The following SPATA13 variants were observed in gnomAD, a reference collection of about 807,000 sequenced individuals.
SPATA13 encodes spermatogenesis associated 13, also known as spermatogenesis-associated protein 13.
Under a neutral mutation model 104.0 loss-of-function variants are expected in SPATA13, and 50 were observed. The ratio of observed to expected loss-of-function variants is 0.48; its 90% CI spans 0.38 to 0.61. The LOEUF is 0.61. SPATA13 is among the 20% of genes least tolerant of loss of function. SPATA13 has a pLI of 0.00. For synonymous variants in SPATA13, 606 were observed against 667.5 expected, an observed-to-expected ratio of 0.91 and a Z score of 1.42; for missense variants, 1,524 against 1,690.6, an observed-to-expected ratio of 0.90 and a Z score of 1.73.
intron 3 of SPATA13, among the ~76,000 whole-genome samples, chr13:24,149,377 C>T (rs776032361): frequency 2.6e-5 from 4 of 152,146 alleles, no homozygotes; most frequent in Admixed American, 6.5e-5. Flanking sequence ...GGGTGAAATA[C>T]GCATCTCACT....
intron 1 of SPATA13, among the ~76,000 whole-genome samples, chr13:24,212,222 G>T (rs543157483): frequency 6.6e-6 from 1 of 151,776 alleles, no homozygotes; most frequent in Non-Finnish European, 1.5e-5. Flanking sequence ...GGGCTGTGGG[G>T]AGCTGTGATT....
chr13:24,172,164 T>C (rs1290680917), intron 1 of SPATA13, among the ~76,000 whole-genome samples: 2 of 152,240 alleles, frequency 1.3e-5, no homozygotes, highest in Non-Finnish European at 2.9e-5. Context: ...GCCACTACTT[T>C]ATTCTCTATA....
chr13:24,089,776 A>G (rs1177727652), intron 3 of SPATA13, among the ~76,000 whole-genome samples: 1 of 152,214 alleles, frequency 6.6e-6, no homozygotes, highest in African/African-American at 2.4e-5. Flanking sequence ...TGAGGGGGTA[A>G]CTTATAAACA....
chr13:24,085,487 G>T (rs60767861), intron 3 of SPATA13, among the ~76,000 whole-genome samples: 1 of 152,094 alleles, frequency 6.6e-6, no homozygotes, highest in Admixed American at 6.5e-5. Flanking sequence ...GGGCAGTGCC[G>T]TCTGGAAGCC....
chr13:24,063,664 C>T (rs549324143), intron 3 of SPATA13, among the ~76,000 whole-genome samples: 22 of 152,302 alleles, frequency 1.4e-4, no homozygotes, highest in African/African-American at 5.1e-4. Context: ...GGCTCCTTCT[C>T]CCACATCCTC....
chr13:24,122,355 A>C, intron 3 of SPATA13: 1 of 1,543,124 alleles, frequency 6.5e-7, no homozygotes, highest in Non-Finnish European at 9.0e-7. Flanking sequence ...TCTGATACAC[A>C]TCAACAGGGT....
At chr13:24,292,216 C>T (rs1249542077) in intron 9 of SPATA13, among the ~76,000 whole-genome samples, 2 of 152,244 alleles carry the variant, frequency 1.3e-5, no homozygotes, top group East Asian at 1.9e-4. Flanking sequence ...TGTGGTTATA[C>T]ATTAGGCATG....
rs570865570 is a variant in SPATA13, at chr13:23,992,640, C to G, written c.-147+8707C>G. Among the ~76,000 whole-genome samples, 3 of 152,250 alleles carry G rather than the reference C, an allele frequency of 2.0e-5. No homozygotes were observed. In the South Asian group the frequency reaches 6.2e-4, roughly 32 times the overall value. ...GTCTGAAGGGTCAATTTCCGGGACT[C>G]TCTTTAAGAAATGAACACAAAGTGG... On this transcript the variant is annotated intron_variant, in intron 2 of 14. Transcript: ENST00000424834.
Position 24,210,766 on chromosome 13 carries a change from G to GTTTTT in SPATA13, c.-111-12043_-111-12039dup, listed in dbSNP as rs58789886. On this transcript the variant is annotated intron_variant, in intron 1 of 12. Transcript: ENST00000382108. ...TTTATGGTTCTATATGAATTTTAGG[G>GTTTTT]TTTTTTTTTTTTTTGTATTTCATTG... Among the ~76,000 whole-genome samples, 271 of 137,456 alleles carry GTTTTT rather than the reference G, an allele frequency of 2.0e-3. 2 individuals carry two copies. Among genetic ancestry groups the GTTTTT allele is most frequent in the East Asian group, 7.2e-3 (35 of 4,858 alleles). The allele number at this position is 137,456 out of a possible 152,430, so 90.2% of individuals were successfully genotyped here.
intron 2 of SPATA13, among the ~76,000 whole-genome samples, chr13:24,014,351 A>G (rs1254833180): frequency 1.3e-5 from 2 of 152,062 alleles, no homozygotes; most frequent in Non-Finnish European, 2.9e-5. Flanking sequence ...CCCTTCCCCC[A>G]TGCAGAAATG....
chr13:24,038,049 T>C (rs1018857577), intron 3 of SPATA13, among the ~76,000 whole-genome samples: 61 of 152,070 alleles, frequency 4.0e-4, no homozygotes, highest in Middle Eastern at 3.4e-3. Flanking sequence ...GTAGCTGGGA[T>C]TATAGGCGCC....
intron 3 of SPATA13, among the ~76,000 whole-genome samples, chr13:24,068,610 C>T (rs7320360): frequency 0.44 from 67,461 of 152,020 alleles, 15,176 homozygotes; most frequent in Middle Eastern, 0.52. Flanking sequence ...GTATAAGCAT[C>T]CCTTTTTCTC....
chr13:24,255,404 A>G (rs1873739224), intron 4 of SPATA13, among the ~76,000 whole-genome samples: 1 of 151,902 alleles, frequency 6.6e-6, no homozygotes, highest in South Asian at 2.1e-4. Context: ...CCTCCTACAC[A>G]ATGTTGTGGT....
Position 24,289,119 on chromosome 13 carries a change from AAACAGTAC to A in SPATA13, c.2793_2800del (p.Tyr932ArgfsTer7). The A allele has an allele frequency of 6.2e-7, 1 of 1,613,504 alleles. No homozygotes were observed. Among genetic ancestry groups the A allele is most frequent in the Non-Finnish European group, 8.5e-7 (1 of 1,179,874 alleles). On this transcript the variant is annotated frameshift_variant, in exon 8 of 13. Coordinates refer to ENST00000382108, the MANE Select transcript of SPATA13 (RefSeq NM_001166271.3). LOFTEE classifies it high-confidence loss of function. ...AAGAAAGTTTCTGAAAGACCTTGAG[AAACAGTAC>A]AACAAAGAGGAACCTCACTTAAGTG...
At chr13:24,252,568 A>G (rs2138665841) in intron 4 of SPATA13, among the ~76,000 whole-genome samples, 1 of 152,350 alleles carries the variant, frequency 6.6e-6, no homozygotes, top group East Asian at 1.9e-4. Flanking sequence ...AACAGGCAGA[A>G]ATAACAGTAG....
At chr13:24,060,970 C>T (rs971267813) in intron 3 of SPATA13, among the ~76,000 whole-genome samples, 3 of 152,126 alleles carry the variant, frequency 2.0e-5, no homozygotes, top group Admixed American at 6.6e-5. Context: ...ACCTTGGAGG[C>T]GGAGGTTGCA....
intron 2 of SPATA13, among the ~76,000 whole-genome samples, chr13:24,231,504 T>C (rs1401587348): frequency 6.6e-6 from 1 of 152,236 alleles, no homozygotes; most frequent in Non-Finnish European, 1.5e-5. Flanking sequence ...TCTGTTCATC[T>C]GTTGATGGAG....
At chr13:24,169,652 C>T (rs1374229783) in intron 1 of SPATA13, among the ~76,000 whole-genome samples, 5 of 152,194 alleles carry the variant, frequency 3.3e-5, no homozygotes, top group African/African-American at 9.7e-5. Context: ...TGCCCAGTGT[C>T]GCTTCTCAGC....
chr13:24,008,899 G>A (rs1876344743), intron 2 of SPATA13, among the ~76,000 whole-genome samples: 2 of 152,242 alleles, frequency 1.3e-5, no homozygotes, highest in Admixed American at 1.3e-4. Context: ...GAGGAGGGAA[G>A]AGGGGGGAAA....
Sources: allele counts gnomAD v4.1 joint callset (sites outside exome capture counted in the v4.1 genomes callset), GRCh38; gene constraint gnomAD v4.1.1; transcripts MANE v1.5; gene names NCBI Gene and HGNC (gene_info 2026-07-23, HGNC 2026-07-21).